ZFAND3: variants seen among roughly 807,000 people sequenced by gnomAD.
The protein encoded by ZFAND3 is AN1-type zinc finger protein 3.
A neutral mutation model predicts 29.6 loss-of-function variants in ZFAND3; 10 were observed. That is an observed-to-expected ratio of 0.34 (90% CI 0.21 to 0.57). ZFAND3 has a LOEUF of 0.57. ZFAND3 is among the 20% of genes least tolerant of loss of function. The probability of loss-of-function intolerance (pLI) is 0.86; values close to 1 mark genes in which losing one functional copy is unlikely to be tolerated. For synonymous variants in ZFAND3, 128 were observed against 112.6 expected (o/e 1.14, Z -0.87); for missense variants, 230 against 304.5 (o/e 0.76, Z 1.82).
At chr6:37,846,869 G>A (rs1331519604) in intron 1 of ZFAND3, among the ~76,000 whole-genome samples, 2 of 152,016 alleles carry the variant, frequency 1.3e-5, no homozygotes, top group Non-Finnish European at 2.9e-5. Context: ...ATGCCACCAT[G>A]CCTGGCTAAT....
chr6:37,975,509 T>A (rs952738716), intron 2 of ZFAND3, among the ~76,000 whole-genome samples: 2 of 152,160 alleles, frequency 1.3e-5, no homozygotes, highest in East Asian at 3.9e-4. Context: ...TTTTAAATAT[T>A]TTTTCTGCAT....
intron 2 of ZFAND3, among the ~76,000 whole-genome samples, chr6:37,965,242 C>T (rs1242341227): frequency 1.3e-5 from 2 of 152,090 alleles, no homozygotes; most frequent in African/African-American, 2.4e-5. Context: ...TCTCTACTTA[C>T]TTTGTTTAGA....
chr6:37,885,096 C>T (rs1405036833), intron 1 of ZFAND3, among the ~76,000 whole-genome samples: 2 of 152,076 alleles, frequency 1.3e-5, no homozygotes, highest in African/African-American at 2.4e-5. Flanking sequence ...TACTCAGGTA[C>T]TGAAGAGCAT....
intron 5 of ZFAND3, among the ~76,000 whole-genome samples, chr6:38,131,545 A>G (rs972277403): frequency 2.6e-5 from 4 of 152,394 alleles, no homozygotes; most frequent in Non-Finnish European, 4.4e-5. Context: ...TGGAAATTGC[A>G]AATGAGTAGT....
intron 5 of ZFAND3, among the ~76,000 whole-genome samples, chr6:38,141,054 A>T (rs182695212): frequency 7.0e-6 from 1 of 142,828 alleles, no homozygotes; most frequent in Non-Finnish European, 1.5e-5. Flanking sequence ...CTTGCAGTTC[A>T]GATTTTGTGG....
chr6:37,884,769 A>G lies in ZFAND3; in HGVS notation c.72-45190A>G, dbSNP rs1764960366. Among the ~76,000 whole-genome samples, 2 of 151,624 alleles carry G rather than the reference A, an allele frequency of 1.3e-5. 1 individual carries two copies. Among genetic ancestry groups the G allele is most frequent in the Admixed American group, 1.3e-4 (2 of 15,254 alleles). On this transcript the variant is annotated intron_variant, in intron 1 of 5. Coordinates refer to ENST00000287218, the MANE Select transcript of ZFAND3 (RefSeq NM_021943.3). ...CAGAACGCTTTTCTGAGAGATGTGA[A>G]TGAAGAAGAAAAATTATCAGTGGAT... is the stretch of plus-strand genomic sequence containing the variant.
intron 1 of ZFAND3, among the ~76,000 whole-genome samples, chr6:37,832,684 C>G (rs1763884606): frequency 6.6e-6 from 1 of 151,984 alleles, no homozygotes; most frequent in African/African-American, 2.4e-5. Context: ...CCCCTCTCCC[C>G]TCTCTCCTCG....
chr6:37,882,672 A>T (rs748630696), intron 1 of ZFAND3, among the ~76,000 whole-genome samples: 18 of 123,936 alleles, frequency 1.5e-4, no homozygotes, highest in Non-Finnish European at 2.6e-4. Context: ...ACCCTTTTGG[A>T]TATTAGAGAT....
intron 5 of ZFAND3, among the ~76,000 whole-genome samples, chr6:38,136,238 G>A (rs1037072475): frequency 6.6e-6 from 1 of 152,214 alleles, no homozygotes; most frequent in South Asian, 2.1e-4. Context: ...ACTGTCTAGT[G>A]TATTGCTATA....
intron 1 of ZFAND3, among the ~76,000 whole-genome samples, chr6:37,873,099 A>G (rs1764724468): frequency 6.7e-6 from 1 of 149,906 alleles, no homozygotes; most frequent in Non-Finnish European, 1.5e-5. Context: ...TCTACTTAAA[A>G]ACAAAAAAAA....
Position 38,116,673 on chromosome 6 carries a change from C to T in ZFAND3, c.463C>T (p.Arg155Cys), listed in dbSNP as rs1485524977. The change falls in exon 5 of 6, where the codon CGT (arginine) becomes TGT (cysteine). Residue 155 changes from arginine to cysteine, a missense_variant. Arg to Cys is a radical substitution (Grantham distance 180). Coordinates refer to ENST00000287218, the MANE Select transcript of ZFAND3 (RefSeq NM_021943.3). ...CAGTCGATCTAAACAGAAGAGTCGACGTCGGTGCTTCCAGTGCCAAACCAA... is the reference window on the plus strand; with the variant it reads ...CAGTCGATCTAAACAGAAGAGTCGATGTCGGTGCTTCCAGTGCCAAACCAA... Reference protein sequence around the residue: ...ETSRSKQKSRRRCFQCQTKLE... With the variant: ...ETSRSKQKSRCRCFQCQTKLE... 4.3e-6 allele frequency: 7 copies of T among 1,614,036 alleles called. No homozygotes were observed. The Admixed American group carries it at 8.3e-5, about 19-fold the overall frequency.
intron 2 of ZFAND3, among the ~76,000 whole-genome samples, chr6:37,967,635 C>T (rs1334664710): frequency 2.0e-5 from 3 of 152,292 alleles, no homozygotes; most frequent in East Asian, 3.9e-4. Flanking sequence ...ACTGATAACT[C>T]CAGTTCCAAC....
rs1766262816 is a variant in ZFAND3, at chr6:38,152,940, A to T, written c.*551A>T. ...GGCTGGGTGGTGGCCTCACTCTCCC[A>T]CAGAGCTGGAAATGGGGGGTGGGGG... On this transcript the variant is annotated 3_prime_UTR_variant, in exon 6 of 6. Transcript: ENST00000287218. 1.0e-6 allele frequency: 1 copy of T among 985,872 alleles called. No homozygotes were observed. Among genetic ancestry groups the T allele is most frequent in the South Asian group, 4.7e-5 (1 of 21,282 alleles). 61.1% of individuals were successfully genotyped at this position (985,872 alleles called of 1,614,324 possible). A position where few individuals can be genotyped will look rare whatever the true frequency, so the allele number is the denominator to read the frequency against.
chr6:38,114,047 A>T (rs1562004422), intron 4 of ZFAND3, among the ~76,000 whole-genome samples: 1 of 152,194 alleles, frequency 6.6e-6, no homozygotes, highest in Non-Finnish European at 1.5e-5. Flanking sequence ...CCAGATTTTA[A>T]TCATAGTAAT....
intron 1 of ZFAND3, among the ~76,000 whole-genome samples, chr6:37,905,461 G>C (rs1251308161): frequency 6.6e-6 from 1 of 152,064 alleles, no homozygotes; most frequent in Non-Finnish European, 1.5e-5. Context: ...CTCTGGAAAT[G>C]GTAACCAGTA....
intron 2 of ZFAND3, among the ~76,000 whole-genome samples, chr6:37,983,325 A>AGGT (rs1309922160): frequency 7.2e-6 from 1 of 139,508 alleles, no homozygotes; most frequent in Non-Finnish European, 1.5e-5. Flanking sequence ...TGTCCTATAC[A>AGGT]GGTGTACCAG....
intron 1 of ZFAND3, among the ~76,000 whole-genome samples, chr6:37,855,228 T>G (rs113604488): frequency 8.7e-5 from 13 of 149,888 alleles, no homozygotes; most frequent in African/African-American, 3.2e-4. Flanking sequence ...CACGGCAGCC[T>G]CCACCTCCCA....
chr6:37,913,114 G>C (rs890064001), intron 1 of ZFAND3, among the ~76,000 whole-genome samples: 29 of 152,310 alleles, frequency 1.9e-4, no homozygotes, highest in African/African-American at 6.7e-4. Context: ...TGATCAAGGT[G>C]GTGGTTGCTG....
At chr6:37,855,499 G>A (rs886398142) in intron 1 of ZFAND3, among the ~76,000 whole-genome samples, 16 of 151,906 alleles carry the variant, frequency 1.1e-4, no homozygotes, top group Admixed American at 5.9e-4. Flanking sequence ...ACACCTCCCC[G>A]CCCCATATTC....
Sources: gnomAD v4.1 joint callset for allele counts (sites outside exome capture counted in the v4.1 genomes callset) on GRCh38, gnomAD v4.1.1 for gene constraint, MANE v1.5 for transcripts, NCBI Gene and HGNC (gene_info 2026-07-23, HGNC 2026-07-21) for gene names.